CHL1: variants seen among roughly 807,000 people sequenced by gnomAD.
CHL1 encodes the protein cell adhesion molecule L1 like.
In CHL1, 96 loss-of-function variants were observed where a neutral mutation model predicts 141.9. That is an observed-to-expected ratio of 0.68 (90% CI 0.57 to 0.80). The LOEUF (loss-of-function observed/expected upper bound fraction) is 0.80, where lower values mean the gene tolerates loss of function less well. Ranked by LOEUF, CHL1 falls within the 30% of genes least tolerant of loss-of-function variation. The pLI, the probability that CHL1 is intolerant of heterozygous loss-of-function variation, is 0.00. For missense variants in CHL1, 1,820 were observed against 1,457.2 expected, an observed-to-expected ratio of 1.25 and a Z score of -4.05; for synonymous variants, 613 against 502.2, an observed-to-expected ratio of 1.22 and a Z score of -2.95.
chr3:286,966 C>T (rs1011528650), intron 2 of CHL1, among the ~76,000 whole-genome samples: 48 of 152,014 alleles, frequency 3.2e-4, no homozygotes, highest in Non-Finnish European at 1.5e-4. Flanking sequence ...TGGGATTTGG[C>T]CAGCTTCTTC....
Position 236,820 on chromosome 3 carries a change from C to T in CHL1, c.-174-7793C>T, listed in dbSNP as rs189686496. On this transcript the variant is annotated intron_variant, in intron 1 of 27. Transcript: ENST00000256509. ...CCCCAGCCTCTTAAATAATGTAGTG[C>T]CTTTCTCTGTACCTCCTTCAGTCCC... Among the ~76,000 whole-genome samples, 75 of 145,488 alleles carry T rather than the reference C, an allele frequency of 5.2e-4. 3 individuals are homozygous for T. The highest frequency in any genetic ancestry group is 2.0e-3 in the African/African-American group (71 of 35,314).
At chr3:312,924 G>A (rs1699870403) in intron 2 of CHL1, among the ~76,000 whole-genome samples, 1 of 152,174 alleles carries the variant, frequency 6.6e-6, no homozygotes, top group Admixed American at 6.5e-5. Flanking sequence ...AATAAAAGTT[G>A]TTGATCTATT....
At chr3:303,026 A>T (rs1698900064) in intron 2 of CHL1, among the ~76,000 whole-genome samples, 1 of 152,124 alleles carries the variant, frequency 6.6e-6, no homozygotes, top group Non-Finnish European at 1.5e-5. Context: ...AGTGTGTGTC[A>T]GGTTTGTCAA....
intron 2 of CHL1, among the ~76,000 whole-genome samples, chr3:257,870 A>C (rs1694322692): frequency 6.6e-6 from 1 of 152,224 alleles, no homozygotes; most frequent in Admixed American, 6.5e-5. Context: ...GAAAAAAATC[A>C]TAATCATGTC....
At position 196,870 on chromosome 3, in the gene CHL1, G is replaced by A. The variant is rs1432602240; in HGVS notation, c.-368G>A. 2 of 152,702 alleles carry A rather than the reference G, an allele frequency of 1.3e-5. No individual in the cohort carries two copies. Among genetic ancestry groups the A allele is most frequent in the African/African-American group, 4.8e-5 (2 of 41,466 alleles). 9.5% of individuals were successfully genotyped at this position (152,702 alleles called of 1,614,324 possible). On this transcript the variant is annotated 5_prime_UTR_variant, in exon 1 of 28. Transcript: ENST00000256509. ...GCCTTCCCGCGGCCAGAGAGCCAGCGGCGGGAGGGGACGGGCGGGACCTCC... is the reference window on the plus strand; with the variant it reads ...GCCTTCCCGCGGCCAGAGAGCCAGCAGCGGGAGGGGACGGGCGGGACCTCC...
Position 231,869 on chromosome 3 carries a change from A to C in CHL1, c.-174-12744A>C, listed in dbSNP as rs548062799. 2.0e-5 allele frequency among the ~76,000 whole-genome samples: 3 copies of C among 152,064 alleles called. No homozygotes were observed. In the East Asian group the frequency reaches 5.8e-4, roughly 29 times the overall value. On this transcript the variant is annotated intron_variant, in intron 1 of 27. Transcript: ENST00000256509. ...TGGGATTACAGGCATGAACTACCAC[A>C]CCCAGCCTAGACCTTATTTCTTAAT...
At chr3:198,336 GGCGCGTGC>G (rs1343862678) in intron 1 of CHL1, among the ~76,000 whole-genome samples, 13 of 152,056 alleles carry the variant, frequency 8.5e-5, no homozygotes, top group African/African-American at 1.9e-4. Flanking sequence ...TGCCCTGCCA[GGCGCGTGC>G]GCGAGGGCGC....
chr3:341,866 A>G, intron 6 of CHL1, 46 bp from the exon 7 acceptor site: 1 of 1,431,494 alleles, frequency 7.0e-7, no homozygotes, highest in Non-Finnish European at 9.4e-7. Flanking sequence ...GATGAAGCAC[A>G]GTAAGGGACA....
At position 382,563 on chromosome 3, in the gene CHL1, T is replaced by A; in HGVS notation, c.2068T>A (p.Leu690Ile). Residue 690 changes from leucine to isoleucine, a missense_variant, in exon 18 of 28, where the codon TTA becomes ATA. Coordinates refer to ENST00000256509, the MANE Select transcript of CHL1 (RefSeq NM_006614.4). ...RVQGKKTTVI[L>I]PLAPFVRYQF... is the part of the protein sequence containing the mutation. Reference sequence around the variant, plus strand: ...CCAAGGAAAGAAAACCACAGTTATCTTACCTTTGGCTCCATTTGTGAGATA... The same window carrying A: ...CCAAGGAAAGAAAACCACAGTTATCATACCTTTGGCTCCATTTGTGAGATA... 1.2e-6 allele frequency: 2 copies of A among 1,613,888 alleles called. No individual in the cohort carries two copies. Among genetic ancestry groups the A allele is most frequent in the East Asian group, 2.2e-5 (1 of 44,868 alleles).
chr3:365,682 T>G (rs1704785501), intron 14 of CHL1, among the ~76,000 whole-genome samples: 1 of 152,242 alleles, frequency 6.6e-6, no homozygotes, highest in African/African-American at 2.4e-5. Flanking sequence ...ATTTGTTTGC[T>G]TATACTTTGC....
At chr3:222,177 T>A (rs1050825373) in intron 1 of CHL1, among the ~76,000 whole-genome samples, 1 of 152,210 alleles carries the variant, frequency 6.6e-6, no homozygotes, top group Non-Finnish European at 1.5e-5. Context: ...CCAACATACC[T>A]TTTTCTGTTA....
At chr3:252,289 C>T (rs1693756415) in intron 2 of CHL1, among the ~76,000 whole-genome samples, 2 of 143,586 alleles carry the variant, frequency 1.4e-5, no homozygotes, top group South Asian at 4.4e-4. Context: ...CTATACAAAG[C>T]CTGCTTCTGA....
intron 16 of CHL1, among the ~76,000 whole-genome samples, chr3:379,022 A>G (rs1276165561): frequency 2.0e-5 from 3 of 152,174 alleles, no homozygotes; most frequent in Non-Finnish European, 4.4e-5. Flanking sequence ...GACATTCCTT[A>G]AAAGTGTTGG....
chr3:282,509 T>C (rs1402706740), intron 2 of CHL1, among the ~76,000 whole-genome samples: 1 of 152,194 alleles, frequency 6.6e-6, no homozygotes, highest in Non-Finnish European at 1.5e-5. Context: ...TCCTTAACAT[T>C]TTTGGCAGTG....
At chr3:364,878 A>G (rs1250414277) in intron 14 of CHL1, among the ~76,000 whole-genome samples, 1 of 152,212 alleles carries the variant, frequency 6.6e-6, no homozygotes. Context: ...AAATGCCACA[A>G]TGAATATGCA....
chr3:333,222 C>A (rs1460856116), intron 5 of CHL1, among the ~76,000 whole-genome samples: 1 of 144,574 alleles, frequency 6.9e-6, no homozygotes, highest in Admixed American at 7.3e-5. Flanking sequence ...ATTACTTCAT[C>A]ATCTGACAGC....
chr3:281,016 T>A lies in CHL1; in HGVS notation c.-95+36324T>A, dbSNP rs1194014673. On this transcript the variant is annotated intron_variant, in intron 2 of 27. Transcript: ENST00000256509. ...ACCCAGTAATTCCCAACTGGGGTTA[T>A]TTTTTTCCCCTAGGGGACATCTGAC... Among the ~76,000 whole-genome samples, 1,042 of 152,180 alleles carry A rather than the reference T, an allele frequency of 6.8e-3. 11 individuals carry two copies. Among genetic ancestry groups the A allele is most frequent in the African/African-American group, 0.024 (982 of 41,526 alleles).
At chr3:378,838 A>T (rs769672148) in intron 16 of CHL1, among the ~76,000 whole-genome samples, 4 of 152,092 alleles carry the variant, frequency 2.6e-5, no homozygotes, top group Non-Finnish European at 4.4e-5. Flanking sequence ...AGTCTCTCTC[A>T]CACCCAACCT....
intron 8 of CHL1, among the ~76,000 whole-genome samples, chr3:343,783 C>T (rs1014395792): frequency 6.6e-6 from 1 of 152,136 alleles, no homozygotes; most frequent in African/African-American, 2.4e-5. Flanking sequence ...GATTCATCCC[C>T]AACATCATTT....
Sources: allele counts gnomAD v4.1 joint callset (sites outside exome capture counted in the v4.1 genomes callset), GRCh38; gene constraint gnomAD v4.1.1; transcripts MANE v1.5; gene names NCBI Gene and HGNC (gene_info 2026-07-23, HGNC 2026-07-21).